Variants in KIF20A observed in about 807,000 individuals in gnomAD.
KIF20A encodes the protein kinesin-like protein KIF20A.
In KIF20A, 66 loss-of-function variants were observed where a neutral mutation model predicts 113.0. The observed-to-expected ratio is 0.58, with a 90% CI of 0.48 to 0.72. The LOEUF (loss-of-function observed/expected upper bound fraction) is 0.72. Ranked by LOEUF, KIF20A falls within the 30% of genes least tolerant of loss-of-function variation. The pLI, the probability that KIF20A is intolerant of heterozygous loss-of-function variation, is 0.00. For synonymous variants in KIF20A, 376 were observed against 402.3 expected, an observed-to-expected ratio of 0.93 and a Z score of 0.78; for missense variants, 927 against 1,077.6, an observed-to-expected ratio of 0.86 and a Z score of 1.96.
In KIF20A at chr5:138,187,473, G is replaced by T; in HGVS notation, c.*60G>T. ...GAGGTGGGTCAGCTACTCTCCTGAA[G>T]AAATAGGTCTCTTTTATGCTTTACC... On this transcript the variant is annotated 3_prime_UTR_variant, in exon 19 of 19. Transcript: ENST00000394894. 2 of 1,351,944 alleles carry T rather than the reference G, an allele frequency of 1.5e-6. No individual in the cohort carries two copies. Among genetic ancestry groups the T allele is most frequent in the Non-Finnish European group, 2.0e-6 (2 of 977,700 alleles). 83.7% of individuals were successfully genotyped at this position (1,351,944 alleles called of 1,614,324 possible). A position where few individuals can be genotyped will look rare whatever the true frequency, so the allele number is the denominator to read the frequency against.
At position 138,187,476 on chromosome 5, in the gene KIF20A, A is replaced by C. The variant is rs143544966; in HGVS notation, c.*63A>C. ...GTGGGTCAGCTACTCTCCTGAAGAA[A>C]TAGGTCTCTTTTATGCTTTACCATA... On this transcript the variant is annotated 3_prime_UTR_variant, in exon 19 of 19. Transcript: ENST00000394894. The C allele has an allele frequency of 1.3e-3, 1,716 of 1,344,044 alleles. 28 individuals carry two copies. The African/African-American group carries it at 0.022, about 18-fold the overall frequency. 83.3% of individuals were successfully genotyped at this position (1,344,044 alleles called of 1,614,324 possible). A position where few individuals can be genotyped will look rare whatever the true frequency, so the allele number is the denominator to read the frequency against.
chr5:138,184,872 G>A lies in KIF20A; in HGVS notation c.1749G>A (p.Gln583=), dbSNP rs750396931. ...TGAAGGAACGACAGGAAAAGCTACAGCTGGAGATGCATCTCCGAGATGAAA... is the reference window on the plus strand; with the variant it reads ...TGAAGGAACGACAGGAAAAGCTACAACTGGAGATGCATCTCCGAGATGAAA... ...LLLKERQEKL[Q]LEMHLRDEIC... The change falls in exon 14 of 19, where the codon CAG becomes CAA. Residue 583 remains glutamine (Q), a synonymous_variant. Coordinates refer to ENST00000394894, the MANE Select transcript of KIF20A (RefSeq NM_005733.3). The A allele has an allele frequency of 6.2e-7, 1 of 1,614,160 alleles. No homozygotes were observed. Among genetic ancestry groups the A allele is most frequent in the Non-Finnish European group, 8.5e-7 (1 of 1,179,996 alleles).
chr5:138,186,355 G>A lies in KIF20A; in HGVS notation c.2279G>A (p.Arg760Lys). Residue 760 changes from arginine to lysine, a missense_variant, in exon 18 of 19, where the codon AGA becomes AAA. Transcript: ENST00000394894. Reference protein sequence around the residue: ...KLGESLQSAERACCHSTGAGK... With the variant: ...KLGESLQSAEKACCHSTGAGK... Reference sequence around the variant, plus strand: ...GGTGAGTCTCTCCAATCAGCAGAGAGAGCTTGTTGCCACAGCACTGGGGCA... The same window carrying A: ...GGTGAGTCTCTCCAATCAGCAGAGAAAGCTTGTTGCCACAGCACTGGGGCA... 6.2e-7 allele frequency: 1 copy of A among 1,605,710 alleles called. No homozygotes were observed. The highest frequency in any genetic ancestry group is 8.5e-7 in the Non-Finnish European group (1 of 1,178,212).
At chr5:138,186,552 G>A in intron 18 of KIF20A, 121 bp downstream of exon 18, 3 of 1,059,166 alleles carry the variant, frequency 2.8e-6, no homozygotes, top group Non-Finnish European at 2.7e-6. Context: ...AGTGAGAGCA[G>A]TATATTTGCA....
In KIF20A at chr5:138,184,820, T is replaced by C. The variant is rs777330463; in HGVS notation, c.1697T>C (p.Val566Ala). The change falls in exon 14 of 19, where the codon GTT becomes GCT. Residue 566 changes from valine (V) to alanine (A), a missense_variant. Coordinates refer to ENST00000394894, the MANE Select transcript of KIF20A (RefSeq NM_005733.3). ...SMYGKEELLQ[V>A]VEAMKTLLLK... ...TGTCTCTCCTAGGAGCTCCTACAAGTTGTGGAAGCCATGAAGACACTGCTT... is the reference window on the plus strand; with the variant it reads ...TGTCTCTCCTAGGAGCTCCTACAAGCTGTGGAAGCCATGAAGACACTGCTT... 24 of 1,614,032 alleles carry C rather than the reference T, an allele frequency of 1.5e-5. No homozygotes were observed. The highest frequency in any genetic ancestry group is 2.0e-5 in the Non-Finnish European group (24 of 1,179,954).
intron 5 of KIF20A, 34 bp from the exon 6 acceptor site, chr5:138,182,552 T>C: frequency 6.2e-7 from 1 of 1,613,486 alleles, no homozygotes; most frequent in Non-Finnish European, 8.5e-7. Flanking sequence ...AGAAGGGCAC[T>C]TGCCTCAGCT....
intron 2 of KIF20A, among the ~76,000 whole-genome samples, chr5:138,180,671 G>A (rs1055539027): frequency 2.6e-5 from 4 of 151,148 alleles, no homozygotes; most frequent in Non-Finnish European, 5.9e-5. Context: ...GGTTTTTTTT[G>A]TTTTTTGGGT....
rs200720946 is a variant in KIF20A at position 138,183,618 on chromosome 5, C to A, written c.1139+37C>A. The A allele has an allele frequency of 3.1e-6, 5 of 1,608,594 alleles. No homozygotes were observed. The African/African-American group carries it at 6.7e-5, about 22-fold the overall frequency. On this transcript the variant is annotated intron_variant, in intron 9 of 18. Coordinates refer to ENST00000394894, the MANE Select transcript of KIF20A (RefSeq NM_005733.3). This position sits in a 1 kb window ranked among gnomAD's most constrained non-coding sequence, Gnocchi z 5.2. ...GTAAGAATAAACTCTTCACTGTGTTCCAGGAAACATTAGTCCTCTGCCTGG... is the reference window on the plus strand; with the variant it reads ...GTAAGAATAAACTCTTCACTGTGTTACAGGAAACATTAGTCCTCTGCCTGG...
intron 18 of KIF20A, among the ~76,000 whole-genome samples, chr5:138,186,728 A>G (rs1253384316): frequency 1.3e-5 from 2 of 152,220 alleles, no homozygotes; most frequent in African/African-American, 4.8e-5. Flanking sequence ...TACTACTAAG[A>G]AAAAAGTAAC....
chr5:138,182,471 A>G lies in KIF20A; in HGVS notation c.514+10A>G, dbSNP rs772349108. ...ACCCACACGATTCAAGGTGAGTAGT[A>G]AGCCTTCACGGGATTCCTGATTGGC... On this transcript the variant is annotated intron_variant, in intron 5 of 18. Transcript: ENST00000394894. 2 of 1,613,744 alleles carry G rather than the reference A, an allele frequency of 1.2e-6. No homozygotes were observed. Among genetic ancestry groups the G allele is most frequent in the South Asian group, 2.2e-5 (2 of 91,016 alleles).
In KIF20A at chr5:138,183,639, C is replaced by A; in HGVS notation, c.1140-49C>A. ...TGTTCCAGGAAACATTAGTCCTCTGCCTGGTCATGGAAAATGTGCAATGAC... is the reference window on the plus strand; with the variant it reads ...TGTTCCAGGAAACATTAGTCCTCTGACTGGTCATGGAAAATGTGCAATGAC... On this transcript the variant is annotated intron_variant, in intron 9 of 18. Transcript: ENST00000394894. The surrounding 1 kb of genome is among the most constrained non-coding windows in gnomAD (Gnocchi z 5.2). 1 of 1,606,668 alleles carries A rather than the reference C, an allele frequency of 6.2e-7. No individual in the cohort carries two copies. Among genetic ancestry groups the A allele is most frequent in the Non-Finnish European group, 8.5e-7 (1 of 1,173,484 alleles).
At chr5:138,182,220 T>G (rs1754671057) in intron 4 of KIF20A, 103 bp from the exon 5 acceptor site, 1 of 1,322,382 alleles carries the variant, frequency 7.6e-7, no homozygotes, top group Admixed American at 2.2e-5. Context: ...GCTTGAGTGG[T>G]CTCCAGAGCC....
At chr5:138,184,772 C>CATCT (rs1754718083) in intron 13 of KIF20A, 35 bp from the exon 14 acceptor site, 1 of 1,612,382 alleles carries the variant, frequency 6.2e-7, no homozygotes, top group Admixed American at 1.7e-5. Context: ...AGGGCATGAG[C>CATCT]ATCTGATGAC....
rs773352750 is a variant in KIF20A at position 138,185,092 on chromosome 5, C to A, written c.1824-3C>A. 1.4e-5 allele frequency: 23 copies of A among 1,610,536 alleles called. No individual in the cohort carries two copies. The highest frequency in any genetic ancestry group is 1.9e-5 in the Non-Finnish European group (22 of 1,177,244). On this transcript the variant is annotated splice_region_variant and splice_polypyrimidine_tract_variant and intron_variant, in intron 14 of 18. Transcript: ENST00000394894. ...CCTCTCTTTTCTCCTCTGTTTCTGA[C>A]AGTGAACATTTGGACACCCAAAAGG... is the stretch of plus-strand genomic sequence containing the variant.
chr5:138,185,617 C>A lies in KIF20A; in HGVS notation c.2032C>A (p.Gln678Lys). The A allele has an allele frequency of 1.9e-6, 3 of 1,614,202 alleles. No homozygotes were observed. Among genetic ancestry groups the A allele is most frequent in the Non-Finnish European group, 2.5e-6 (3 of 1,180,034 alleles). The change falls in exon 16 of 19, where the codon CAA (glutamine) becomes AAA (lysine). Residue 678 changes from glutamine (Q) to lysine (K), a missense_variant. Coordinates refer to ENST00000394894, the MANE Select transcript of KIF20A (RefSeq NM_005733.3). The part of the protein sequence containing the change: ...SGSELALRRS[Q>K]RLAASASTQQ... ...GTCTGAATTGGCCCTACGGCGGTCA[C>A]AAAGGTTGGCAGCTTCTGCCTCCAC...
At chr5:138,186,690 A>T (rs1754750754) in intron 18 of KIF20A, among the ~76,000 whole-genome samples, 1 of 152,200 alleles carries the variant, frequency 6.6e-6, no homozygotes. Context: ...CTAAGATGCT[A>T]CTGATTATAA....
chr5:138,186,608 C>T (rs1355222241), intron 18 of KIF20A, among the ~76,000 whole-genome samples, 177 bp downstream of exon 18: 4 of 152,214 alleles, frequency 2.6e-5, no homozygotes, highest in African/African-American at 7.2e-5. Context: ...AAGTACCAGG[C>T]ACTGTGCTAA....
At chr5:138,182,248 T>C in intron 4 of KIF20A, 75 bp from the exon 5 acceptor site, 5 of 1,527,666 alleles carry the variant, frequency 3.3e-6, no homozygotes, top group Non-Finnish European at 4.4e-6. Context: ...CAGGAAGGAA[T>C]ATATCTGCTG....
rs1754679727 is a variant in KIF20A, at chr5:138,182,654, C to T, written c.583C>T (p.Leu195Phe). Reference sequence around the variant, plus strand: ...GATCTTCAATAGCCTCCAAGGCCAACTTCATCCAACACCTGATCTGAAGCC... The same window carrying T: ...GATCTTCAATAGCCTCCAAGGCCAATTTCATCCAACACCTGATCTGAAGCC... ...ALIFNSLQGQ[L>F]HPTPDLKPLL... The change falls in exon 6 of 19, where the codon CTT becomes TTT. Residue 195 changes from leucine (L) to phenylalanine (F), a missense_variant. By Grantham distance (22) the Leu-to-Phe change is conservative. Transcript: ENST00000394894. 3 of 1,614,086 alleles carry T rather than the reference C, an allele frequency of 1.9e-6. No individual in the cohort carries two copies. The highest frequency in any genetic ancestry group is 1.3e-5 in the African/African-American group (1 of 74,928).
Sources: allele counts gnomAD v4.1 joint callset (sites outside exome capture counted in the v4.1 genomes callset), GRCh38; gene constraint gnomAD v4.1.1; non-coding constraint Gnocchi (gnomAD v3.1); transcripts MANE v1.5; gene names NCBI Gene and HGNC (gene_info 2026-07-23, HGNC 2026-07-21).